RTCB: variants seen among roughly 807,000 people sequenced by gnomAD.
The protein encoded by RTCB is RNA-splicing ligase RTCB.
In RTCB, 32 loss-of-function variants were observed where a neutral mutation model predicts 58.2. The observed-to-expected ratio is 0.55, with a 90% CI of 0.41 to 0.74. The LOEUF (loss-of-function observed/expected upper bound fraction) is 0.74, where lower values mean the gene tolerates loss of function less well. Among genes scored for constraint, RTCB ranks in the 30% least tolerant of loss-of-function variants. RTCB has a pLI of 0.00. For missense variants in RTCB, 523 were observed against 639.0 expected, an observed-to-expected ratio of 0.82 and a Z score of 1.96; for synonymous variants, 247 against 218.6, an observed-to-expected ratio of 1.13 and a Z score of -1.15.
At chr22:32,401,425 G>GT (rs1224204012) in intron 5 of RTCB, 3 of 186,722 alleles carry the variant, frequency 1.6e-5, no homozygotes, top group Admixed American at 6.0e-5. Context: ...TTTCTTTCTT[G>GT]TAAGTTAGGG....
intron 1 of RTCB, among the ~76,000 whole-genome samples, chr22:32,410,345 G>A (rs903700706): frequency 6.6e-6 from 1 of 152,100 alleles, no homozygotes; most frequent in African/African-American, 2.4e-5. Context: ...AAGATGGGAA[G>A]GGAGTGTTTT....
At chr22:32,402,575 G>A (rs1476738444) in intron 4 of RTCB, among the ~76,000 whole-genome samples, 1 of 131,340 alleles carries the variant, frequency 7.6e-6, no homozygotes, top group African/African-American at 2.7e-5. Context: ...TCAGCCTCCC[G>A]AATAGCTGAG....
chr22:32,406,805 T>G, intron 3 of RTCB, 44 bp from the exon 4 acceptor site: 1 of 1,349,000 alleles, frequency 7.4e-7, no homozygotes, highest in South Asian at 1.2e-5. Flanking sequence ...CTTGACCTGC[T>G]ACCCTGGATG....
At chr22:32,389,689 C>G (rs2145887826) in intron 11 of RTCB, among the ~76,000 whole-genome samples, 1 of 152,310 alleles carries the variant, frequency 6.6e-6, no homozygotes, top group East Asian at 1.9e-4. Context: ...ACATCAGACT[C>G]TATCTCCTCT....
intron 5 of RTCB, among the ~76,000 whole-genome samples, chr22:32,400,392 T>C (rs1933317027): frequency 6.6e-6 from 1 of 152,192 alleles, no homozygotes; most frequent in African/African-American, 2.4e-5. Context: ...TCTAAAACAC[T>C]GCCAGGAAAA....
chr22:32,392,487 T>C, intron 10 of RTCB, 128 bp from the exon 11 acceptor site: 2 of 1,169,860 alleles, frequency 1.7e-6, no homozygotes, highest in Non-Finnish European at 2.5e-6. Flanking sequence ...GTAACAGGCC[T>C]TTTAAACCTC....
At chr22:32,400,407 C>T (rs914346906) in intron 5 of RTCB, among the ~76,000 whole-genome samples, 1 of 152,236 alleles carries the variant, frequency 6.6e-6, no homozygotes, top group African/African-American at 2.4e-5. Flanking sequence ...GGAAAAACTA[C>T]ACTTTTCAAT....
chr22:32,407,265 A>T (rs1933441190), intron 3 of RTCB: 1 of 155,786 alleles, frequency 6.4e-6, no homozygotes, highest in African/African-American at 2.4e-5. Flanking sequence ...CACAGGATAT[A>T]TGGAGATACC....
chr22:32,389,032 C>T (rs936736136), intron 11 of RTCB, among the ~76,000 whole-genome samples: 3 of 152,206 alleles, frequency 2.0e-5, no homozygotes, highest in Non-Finnish European at 4.4e-5. Flanking sequence ...AGAAGTGGGA[C>T]AGGTGTGCTC....
intron 4 of RTCB, among the ~76,000 whole-genome samples, chr22:32,403,040 C>A (rs1356311660): frequency 6.6e-6 from 1 of 151,222 alleles, no homozygotes; most frequent in South Asian, 2.1e-4. Flanking sequence ...CCACCGCATC[C>A]AGCCTATAAG....
In RTCB at chr22:32,399,537, T is replaced by C. The variant is rs556125558; in HGVS notation, c.654+66A>G. The stretch of plus-strand genomic sequence containing the variant: ...GTTTGCTAAATGTAAGATATAGATT[T>C]TTTTCCCCCAATAAAAACAAAATAT... On this transcript the variant is annotated intron_variant, in intron 6 of 11. Transcript: ENST00000216038. 2.4e-5 allele frequency: 35 copies of C among 1,444,590 alleles called. No homozygotes were observed. The African/African-American group carries it at 4.4e-4, about 18-fold the overall frequency. The allele number at this position is 1,444,590 out of a possible 1,614,324, so 89.5% of individuals were successfully genotyped here.
intron 4 of RTCB, 62 bp downstream of exon 4, chr22:32,406,600 C>T (rs1933425988): frequency 1.6e-5 from 18 of 1,150,838 alleles, no homozygotes; most frequent in Middle Eastern, 3.9e-4. Flanking sequence ...GGATTACAGA[C>T]GTGAGCCACC....
At chr22:32,408,074 A>G in intron 3 of RTCB, 101 bp downstream of exon 3, 1 of 1,099,950 alleles carries the variant, frequency 9.1e-7, no homozygotes, top group Non-Finnish European at 1.3e-6. Flanking sequence ...CTGGCTGTCC[A>G]AAGGTCATTG....
chr22:32,406,700 G>A lies in RTCB; in HGVS notation c.302C>T (p.Ala101Val), dbSNP rs1314365689. ...TGCTTCAGGGTCATTCATATCAAAG[G>A]CTGCCATGTTCCCAATAGCAAACCC... ...GYGFAIGNMA[A>V]FDMNDPEAVV... Residue 101 changes from alanine (A) to valine (V), a missense_variant, in exon 4 of 12, where the codon GCC becomes GTC. Physicochemically the swap from Ala to Val is moderately conservative, Grantham distance 64. Transcript: ENST00000216038. 1.2e-6 allele frequency: 2 copies of A among 1,612,634 alleles called. No individual in the cohort carries two copies. Among genetic ancestry groups the A allele is most frequent in the Non-Finnish European group, 1.7e-6 (2 of 1,178,962 alleles).
intron 5 of RTCB, among the ~76,000 whole-genome samples, chr22:32,400,801 C>G (rs1406818741): frequency 6.6e-6 from 1 of 152,020 alleles, no homozygotes; most frequent in East Asian, 1.9e-4. Flanking sequence ...AAGGATAAAG[C>G]AAAATATTAA....
chr22:32,406,194 T>C (rs985512331), intron 4 of RTCB, among the ~76,000 whole-genome samples: 11 of 152,174 alleles, frequency 7.2e-5, no homozygotes, highest in African/African-American at 2.4e-4. Flanking sequence ...GAAGTTGTAA[T>C]AGCCTCTCAG....
rs1420334968 is a variant in RTCB, at chr22:32,387,956, G to T, written c.*36C>A. ...GTCAGTCCACTTCCACTTCAGAGAG[G>T]GTTGGTGGTGTCAGGCAGCCCTGCT... On this transcript the variant is annotated 3_prime_UTR_variant, in exon 12 of 12. Transcript: ENST00000216038. 1 of 1,315,568 alleles carries T rather than the reference G, an allele frequency of 7.6e-7. No homozygotes were observed. Among genetic ancestry groups the T allele is most frequent in the South Asian group, 1.2e-5 (1 of 84,618 alleles). 81.5% of individuals were successfully genotyped at this position (1,315,568 alleles called of 1,614,324 possible).
In RTCB at chr22:32,394,006, A is replaced by C. The variant is rs371742467; in HGVS notation, c.1180-4T>G. The C allele has an allele frequency of 6.3e-7, 1 of 1,584,970 alleles. No individual in the cohort carries two copies. Among genetic ancestry groups the C allele is most frequent in the African/African-American group, 1.3e-5 (1 of 74,470 alleles). ...TGAGCACTGGCTGTCCAGTGAGCTGAGGATGCACATAAATCAAACATGTTA... is the reference window on the plus strand; with the variant it reads ...TGAGCACTGGCTGTCCAGTGAGCTGCGGATGCACATAAATCAAACATGTTA... On this transcript the variant is annotated splice_region_variant and splice_polypyrimidine_tract_variant and intron_variant, in intron 9 of 11. Coordinates refer to ENST00000216038, the MANE Select transcript of RTCB (RefSeq NM_014306.5).
rs1299854022 is a variant in RTCB at position 32,387,749 on chromosome 22, A to G, written c.*243T>C. On this transcript the variant is annotated 3_prime_UTR_variant, in exon 12 of 12. Transcript: ENST00000216038. The stretch of plus-strand genomic sequence containing the variant: ...AGATTTTCCTAAAACTCTGTGGAAC[A>G]ACCAAGGAGAAGGCATATTCCTCCC... 1 of 431,540 alleles carries G rather than the reference A, an allele frequency of 2.3e-6. No homozygotes were observed. Among genetic ancestry groups the G allele is most frequent in the Non-Finnish European group, 4.2e-6 (1 of 236,370 alleles). 26.7% of individuals were successfully genotyped at this position (431,540 alleles called of 1,614,324 possible). A position where few individuals can be genotyped will look rare whatever the true frequency, so the allele number is the denominator to read the frequency against.
Sources: gnomAD v4.1 joint callset for allele counts (sites outside exome capture counted in the v4.1 genomes callset) on GRCh38, gnomAD v4.1.1 for gene constraint, MANE v1.5 for transcripts, NCBI Gene and HGNC (gene_info 2026-07-23, HGNC 2026-07-21) for gene names.